Variants in RNF149 observed in about 807,000 individuals in gnomAD.
RNF149 encodes the protein E3 ubiquitin-protein ligase RNF149.
A neutral mutation model predicts 39.0 loss-of-function variants in RNF149; 21 were observed. The observed-to-expected ratio is 0.54, with a 90% CI of 0.38 to 0.77. The LOEUF (loss-of-function observed/expected upper bound fraction) is 0.77, where lower values mean the gene tolerates loss of function less well. Ranked by LOEUF, RNF149 falls within the 30% of genes least tolerant of loss-of-function variation. The pLI is 0.00. For synonymous variants in RNF149, 209 were observed against 213.6 expected (o/e 0.98, Z 0.19); for missense variants, 493 against 534.9 (o/e 0.92, Z 0.77).
chr2:101,271,359 G>T (rs1395281149), downstream of RNF149: 2 of 152,130 alleles, frequency 1.3e-5, no homozygotes, highest in African/African-American at 4.8e-5. Flanking sequence ...AGTAAAATTG[G>T]TGGCTGGGTT....
At chr2:101,279,204 G>A (rs913079726) in intron 6 of RNF149, among the ~76,000 whole-genome samples, 1 of 152,166 alleles carries the variant, frequency 6.6e-6, no homozygotes, top group Non-Finnish European at 1.5e-5. Flanking sequence ...GGGGACACTG[G>A]GGAAACTGGC....
intron 1 of RNF149, among the ~76,000 whole-genome samples, chr2:101,300,395 A>T (rs1226337708): frequency 6.6e-6 from 1 of 152,208 alleles, no homozygotes. Context: ...GGGGGAAGTG[A>T]TACTGCCGCA....
At chr2:101,297,976 G>A (rs539002834) in intron 1 of RNF149, among the ~76,000 whole-genome samples, 1 of 152,178 alleles carries the variant, frequency 6.6e-6, no homozygotes, top group Non-Finnish European at 1.5e-5. Flanking sequence ...GCACGAATGA[G>A]CACTCTCGCA....
intron 5 of RNF149, among the ~76,000 whole-genome samples, chr2:101,285,233 G>C (rs1453542701): frequency 2.0e-5 from 3 of 151,966 alleles, no homozygotes; most frequent in Admixed American, 6.6e-5. Context: ...AATATGTTGA[G>C]ACATTAATAG....
chr2:101,284,605 A>T (rs1682721860), intron 5 of RNF149, among the ~76,000 whole-genome samples: 1 of 152,100 alleles, frequency 6.6e-6, no homozygotes, highest in Admixed American at 6.6e-5. Flanking sequence ...ATCATAATTC[A>T]TAGAGAATGA....
downstream of RNF149, chr2:101,271,692 G>C (rs978518011): frequency 6.6e-6 from 1 of 151,632 alleles, no homozygotes; most frequent in Admixed American, 6.6e-5. Context: ...AAGATGCCTT[G>C]AATTCTTTTG....
At chr2:101,282,608 G>C (rs190214546) in intron 5 of RNF149, among the ~76,000 whole-genome samples, 61 of 152,254 alleles carry the variant, frequency 4.0e-4, no homozygotes, top group African/African-American at 1.4e-3. Context: ...AAAGTGGAGG[G>C]CTGGGGACAC....
Position 101,308,514 on chromosome 2 carries a change from C to A in RNF149, c.75G>T (p.Leu25=), listed in dbSNP as rs1284930296. 6.2e-7 allele frequency: 1 copy of A among 1,607,448 alleles called. No homozygotes were observed. The highest frequency in any genetic ancestry group is 2.2e-5 in the East Asian group (1 of 44,550). The change falls in exon 1 of 7, where the codon CTG becomes CTT. Residue 25 remains leucine, a synonymous_variant. Coordinates refer to ENST00000295317, the MANE Select transcript of RNF149 (RefSeq NM_173647.4). ...CCCGGCCCCGGGCCCCGGGCACGCA[C>A]AGGGCCAGGGCGAGCAACGCCAGAG... ...VLALALLALA[L]CVPGARGRAL...
At chr2:101,271,526 G>C (rs1682127396), downstream of RNF149, 1 of 149,762 alleles carries the variant, frequency 6.7e-6, no homozygotes, top group African/African-American at 2.5e-5. Context: ...CAGCTACTCT[G>C]GAAGCTGAGG....
chr2:101,291,913 C>T (rs1211916281), intron 3 of RNF149, among the ~76,000 whole-genome samples: 1 of 152,214 alleles, frequency 6.6e-6, no homozygotes, highest in Non-Finnish European at 1.5e-5. Context: ...CATGGGGTCA[C>T]ACCTCACTGA....
chr2:101,290,072 C>G (rs1317679148), intron 3 of RNF149, among the ~76,000 whole-genome samples: 1 of 152,074 alleles, frequency 6.6e-6, no homozygotes, highest in African/African-American at 2.4e-5. Flanking sequence ...CCCAGCTACT[C>G]TAGAGGCTGA....
intron 4 of RNF149, among the ~76,000 whole-genome samples, chr2:101,287,147 C>T (rs918878600): frequency 1.3e-5 from 2 of 152,052 alleles, no homozygotes; most frequent in African/African-American, 4.8e-5. Flanking sequence ...CATGGTGAAA[C>T]CCGCTCTACA....
chr2:101,308,000 T>C, intron 1 of RNF149, 129 bp downstream of exon 1: 1 of 1,449,166 alleles, frequency 6.9e-7, no homozygotes, highest in East Asian at 2.6e-5. Flanking sequence ...CCCTGAAAGT[T>C]CCAACAGCCA....
At chr2:101,294,892 A>G in intron 2 of RNF149, 39 bp downstream of exon 2, 2 of 1,517,250 alleles carry the variant, frequency 1.3e-6, no homozygotes, top group Non-Finnish European at 1.8e-6. Flanking sequence ...TTTATGAATT[A>G]TCTTTTAAAA....
At chr2:101,289,480 G>A (rs1682923568) in intron 3 of RNF149, among the ~76,000 whole-genome samples, 1 of 152,124 alleles carries the variant, frequency 6.6e-6, no homozygotes. Flanking sequence ...GCCAAGGAGG[G>A]CGGATCATGG....
intron 3 of RNF149, among the ~76,000 whole-genome samples, chr2:101,293,704 T>TTA (rs2104414893): frequency 6.6e-6 from 1 of 152,288 alleles, no homozygotes; most frequent in South Asian, 2.1e-4. Context: ...CTGTATGTCT[T>TTA]TATAGTTATC....
At chr2:101,281,821 G>A (rs370993050) in intron 6 of RNF149, 38 bp downstream of exon 6, 1 of 1,609,800 alleles carries the variant, frequency 6.2e-7, no homozygotes, top group African/African-American at 1.3e-5. Context: ...ACCACTCCTG[G>A]CCACATTCTA....
chr2:101,279,808 C>CA (rs1212657747), intron 6 of RNF149, among the ~76,000 whole-genome samples: 3 of 152,048 alleles, frequency 2.0e-5, no homozygotes, highest in African/African-American at 7.2e-5. Context: ...AAATGTGCTA[C>CA]AAAAAAACTG....
intron 1 of RNF149, among the ~76,000 whole-genome samples, chr2:101,304,804 T>C (rs1358215874): frequency 6.6e-6 from 1 of 151,622 alleles, no homozygotes; most frequent in African/African-American, 2.4e-5. Context: ...ACTGGAGACA[T>C]TCTCCTGAGG....
Sources: allele counts gnomAD v4.1 joint callset (sites outside exome capture counted in the v4.1 genomes callset), GRCh38; gene constraint gnomAD v4.1.1; transcripts MANE v1.5; gene names NCBI Gene and HGNC (gene_info 2026-07-23, HGNC 2026-07-21).